Variants in UBAP2 observed in about 807,000 individuals in gnomAD.
UBAP2 encodes the protein ubiquitin-associated protein 2.
Under a neutral mutation model 139.6 loss-of-function variants are expected in UBAP2, and 75 were observed. The observed-to-expected ratio is 0.54, with a 90% confidence interval of 0.45 to 0.65. UBAP2 has a LOEUF of 0.65. UBAP2 is among the 30% of genes least tolerant of loss of function. UBAP2 has a pLI of 0.00. For missense variants in UBAP2, 1,368 were observed against 1,369.6 expected, an observed-to-expected ratio of 1.00 and a Z score of 0.02; for synonymous variants, 526 against 526.2, an observed-to-expected ratio of 1.00 and a Z score of 0.01.
chr9:34,017,100 G>GT lies in UBAP2; in HGVS notation c.48dup (p.Pro17ThrfsTer21). On this transcript the variant is annotated frameshift_variant, in exon 2 of 29. Coordinates refer to ENST00000379238, the MANE Select transcript of UBAP2 (RefSeq NM_001370062.2). LOFTEE classifies it high-confidence loss of function. ...GTTGATTGTGCTGCTGAAATCTGTGGTTTTTCCCGAGCACCTCGACAATGG... is the reference window on the plus strand; with the variant it reads ...GTTGATTGTGCTGCTGAAATCTGTGGTTTTTTCCCGAGCACCTCGACAATGG... 6.2e-7 allele frequency: 1 copy of GT among 1,612,466 alleles called. No individual in the cohort carries two copies. Among genetic ancestry groups the GT allele is most frequent in the Non-Finnish European group, 8.5e-7 (1 of 1,179,606 alleles).
chr9:33,927,065 T>A lies in UBAP2; in HGVS notation c.2387A>T (p.Asn796Ile), dbSNP rs547675541. ...CAGGGGAGGCACCCCCTGAGGTAAG[T>A]TTGGGGGTGCTTTGCCTGTATAGAG... Reference protein sequence around the residue: ...PLVTSGKAPPNLPQGVPPLLH... With the variant: ...PLVTSGKAPPILPQGVPPLLH... Residue 796 changes from asparagine to isoleucine, a missense_variant, in exon 21 of 29, where the codon AAC becomes ATC. Asn to Ile is a moderately radical substitution (Grantham distance 149, BLOSUM62 -3). Transcript: ENST00000379238. The A allele has an allele frequency of 1.0e-4, 163 of 1,612,632 alleles. 2 individuals carry two copies. The South Asian group carries it at 1.7e-3, about 17-fold the overall frequency.
At chr9:34,020,164 A>G (rs911973206) in intron 1 of UBAP2, among the ~76,000 whole-genome samples, 1 of 151,504 alleles carries the variant, frequency 6.6e-6, no homozygotes, top group East Asian at 1.9e-4. Context: ...AAAAAAAAAA[A>G]AAAAAAACTA....
chr9:33,972,347 C>T (rs1827978104), intron 7 of UBAP2, among the ~76,000 whole-genome samples: 1 of 152,058 alleles, frequency 6.6e-6, no homozygotes, highest in South Asian at 2.1e-4. Context: ...CAGAAAAATC[C>T]ACAAAACAAT....
chr9:33,933,721 G>C, intron 17 of UBAP2, 93 bp from the exon 18 acceptor site: 1 of 1,527,060 alleles, frequency 6.5e-7, no homozygotes, highest in Non-Finnish European at 8.9e-7. Flanking sequence ...CTTGTGACAT[G>C]TCAGCCTCAG....
At chr9:34,019,340 T>C (rs1297227049) in intron 1 of UBAP2, among the ~76,000 whole-genome samples, 2 of 151,830 alleles carry the variant, frequency 1.3e-5, no homozygotes, top group Non-Finnish European at 2.9e-5. Context: ...GAGGCGGAGG[T>C]TGCAGTGAGC....
chr9:34,024,909 G>A (rs986542976), intron 1 of UBAP2, among the ~76,000 whole-genome samples: 5 of 151,854 alleles, frequency 3.3e-5, no homozygotes, highest in Admixed American at 2.6e-4. Flanking sequence ...ACTTGAACCC[G>A]AGAGGCGGAG....
At chr9:33,965,194 GTGGCACAGAGTATATTCACAA>G (rs1380226391) in intron 8 of UBAP2, among the ~76,000 whole-genome samples, 1 of 152,118 alleles carries the variant, frequency 6.6e-6, no homozygotes, top group African/African-American at 2.4e-5. Context: ...GTACAATTTA[GTGGCACAGAGTATATTCACAA>G]TGTTGTACAA....
At chr9:34,035,948 C>A (rs1826329646) in intron 1 of UBAP2, among the ~76,000 whole-genome samples, 1 of 151,730 alleles carries the variant, frequency 6.6e-6, no homozygotes, top group African/African-American at 2.4e-5. Context: ...GTTAAGGCTG[C>A]AGTGAGCCTG....
intron 2 of UBAP2, among the ~76,000 whole-genome samples, chr9:34,011,966 GATT>G (rs1353166095): frequency 7.7e-6 from 1 of 130,658 alleles, no homozygotes; most frequent in African/African-American, 2.9e-5. Context: ...AATAAAGTAG[GATT>G]ATTTATGCCC....
intron 5 of UBAP2, 44 bp downstream of exon 5, chr9:33,988,929 G>A (rs867998862): frequency 2.5e-6 from 4 of 1,577,948 alleles, no homozygotes; most frequent in Middle Eastern, 3.4e-4. Context: ...AGGGTCACTT[G>A]AGATGAAAGA....
In UBAP2 at chr9:33,948,540, C is replaced by T. The variant is rs1564026098; in HGVS notation, c.1104G>A (p.Met368Ile). 2 of 1,614,150 alleles carry T rather than the reference C, an allele frequency of 1.2e-6. No homozygotes were observed. Among genetic ancestry groups the T allele is most frequent in the East Asian group, 4.5e-5 (2 of 44,886 alleles). ...SGFGELAPPK[M>I]ANITSSQILD... ...AAATCTGGGAGCTGGTGATGTTTGC[C>T]ATTTTTGGTGGTGCAAGCTCTCCAA... The change falls in exon 13 of 29, where the codon ATG (methionine) becomes ATA (isoleucine). Residue 368 changes from methionine to isoleucine, a missense_variant. Coordinates refer to ENST00000379238, the MANE Select transcript of UBAP2 (RefSeq NM_001370062.2).
Position 33,941,915 on chromosome 9 carries a change from TAAA to T in UBAP2, c.1716-56_1716-54del, listed in dbSNP as rs33950531. On this transcript the variant is annotated intron_variant, in intron 15 of 28. Transcript: ENST00000379238. Reference sequence around the variant, plus strand: ...AATTTTGTTACTTTAAATAGCTTCATAAAAAAAAAAAAACATAAACAGCTTCAC... The same window carrying T: ...AATTTTGTTACTTTAAATAGCTTCATAAAAAAAAAACATAAACAGCTTCAC... 1.7e-4 allele frequency: 173 copies of T among 999,578 alleles called. No homozygotes were observed. The Middle Eastern group carries it at 2.6e-3, about 15-fold the overall frequency. The allele number at this position is 999,578 out of a possible 1,614,324, so 61.9% of individuals were successfully genotyped here. A position where few individuals can be genotyped will look rare whatever the true frequency, so the allele number is the denominator to read the frequency against.
At chr9:34,018,828 G>T (rs962780252) in intron 1 of UBAP2, among the ~76,000 whole-genome samples, 1 of 151,656 alleles carries the variant, frequency 6.6e-6, no homozygotes, top group African/African-American at 2.4e-5. Context: ...GTGCCACTGC[G>T]CTCCAGCCTG....
intron 6 of UBAP2, among the ~76,000 whole-genome samples, chr9:33,984,261 T>C (rs116999205): frequency 0.012 from 1,800 of 152,218 alleles, 51 homozygotes; most frequent in East Asian, 0.089. Context: ...TAAGGAAGTA[T>C]CATCTAAGAA....
At chr9:33,949,296 T>C (rs193051549) in intron 12 of UBAP2, among the ~76,000 whole-genome samples, 3 of 152,316 alleles carry the variant, frequency 2.0e-5, no homozygotes, top group African/African-American at 2.4e-5. Flanking sequence ...AAAGATATGC[T>C]TGACCAACAA....
rs1564023888 is a variant in UBAP2 at position 33,943,558 on chromosome 9, G to A, written c.1577C>T (p.Ser526Leu). Residue 526 changes from serine (S) to leucine (L), a missense_variant, in exon 15 of 29, where the codon TCA (serine) becomes TTA (leucine). Transcript: ENST00000379238. Reference protein sequence around the residue: ...IPASAVEMPGSADVTGLNVQF... With the variant: ...IPASAVEMPGLADVTGLNVQF... ...CACATTTAATCCTGTGACATCTGCT[G>A]AACCAGGCATTTCCACTGCAGAAGC... 1 of 1,614,102 alleles carries A rather than the reference G, an allele frequency of 6.2e-7. No homozygotes were observed. Among genetic ancestry groups the A allele is most frequent in the Non-Finnish European group, 8.5e-7 (1 of 1,180,026 alleles).
chr9:33,954,441 TC>T (rs2130980884), intron 11 of UBAP2, among the ~76,000 whole-genome samples: 1 of 152,200 alleles, frequency 6.6e-6, no homozygotes, highest in Non-Finnish European at 1.5e-5. Context: ...GCTACAAACT[TC>T]CTGTACCAAC....
chr9:34,014,899 A>T (rs1824114268), intron 2 of UBAP2, among the ~76,000 whole-genome samples: 1 of 152,194 alleles, frequency 6.6e-6, no homozygotes, highest in African/African-American at 2.4e-5. Context: ...TTTGTGAATA[A>T]ATTCCTATCA....
intron 17 of UBAP2, chr9:33,935,258 C>CTA (rs1484530405): frequency 6.6e-6 from 1 of 150,988 alleles, no homozygotes; most frequent in Non-Finnish European, 1.5e-5. Flanking sequence ...GACAATGAGC[C>CTA]TATCTTTCCT....
Sources: gnomAD v4.1 joint callset for allele counts (sites outside exome capture counted in the v4.1 genomes callset) on GRCh38, gnomAD v4.1.1 for gene constraint, MANE v1.5 for transcripts, NCBI Gene and HGNC (gene_info 2026-07-23, HGNC 2026-07-21) for gene names.